PSTK: variants seen among roughly 807,000 people sequenced by gnomAD.
PSTK encodes L-seryl-tRNA(Sec) kinase.
Under a neutral mutation model 38.6 loss-of-function variants are expected in PSTK, and 26 were observed. That is an observed-to-expected ratio of 0.67 (90% CI 0.49 to 0.94). The LOEUF is 0.94. PSTK is among the 40% of genes least tolerant of loss of function. The pLI is 0.00. For missense variants in PSTK, 445 were observed against 436.3 expected (o/e 1.02, Z -0.18); for synonymous variants, 181 against 161.7 (o/e 1.12, Z -0.91).
intron 1 of PSTK, among the ~76,000 whole-genome samples, chr10:122,981,036 A>G (rs746601787): frequency 2.0e-5 from 3 of 152,238 alleles, no homozygotes; most frequent in Non-Finnish European, 4.4e-5. Context: ...AAGCCCCTAT[A>G]GTCAAATGCA....
At chr10:122,986,520 C>A in intron 4 of PSTK, 145 bp downstream of exon 4, 1 of 669,750 alleles carries the variant, frequency 1.5e-6, no homozygotes, top group Non-Finnish European at 2.7e-6. Flanking sequence ...GCTGACAGCT[C>A]ATGCCGGCTG....
chr10:122,982,355 C>CTATTAGGTGCCA (rs11273778), intron 1 of PSTK: 168,927 of 169,254 alleles, frequency 1, 84,303 homozygotes, highest in East Asian at 1. Context: ...TCTGGAGCAC[C>CTATTAGGTGCCA]GACCCTCTGC....
At chr10:122,981,848 C>G (rs1281176499) in intron 1 of PSTK, 1 of 152,162 alleles carries the variant, frequency 6.6e-6, no homozygotes, top group Non-Finnish European at 1.5e-5. Context: ...CCACGCTTTT[C>G]CTATGGACAA....
At chr10:122,986,815 C>T in intron 4 of PSTK, 54 bp from the exon 5 acceptor site, 1 of 1,155,466 alleles carries the variant, frequency 8.7e-7, no homozygotes, top group Non-Finnish European at 1.3e-6. Context: ...ATTCTTTAGC[C>T]ATTTATTTTA....
At position 122,986,859 on chromosome 10, in the gene PSTK, A is replaced by G. The variant is rs573826253; in HGVS notation, c.784-10A>G. 30 of 1,516,128 alleles carry G rather than the reference A, an allele frequency of 2.0e-5. No individual in the cohort carries two copies. In the African/African-American group the frequency reaches 2.9e-4, roughly 15 times the overall value. The allele number at this position is 1,516,128 out of a possible 1,614,324, so 93.9% of individuals were successfully genotyped here. ...TGTGACTTCTAATAACAATGTCTGTATTAACATAGGACACAGACAGAATTA... is the reference window on the plus strand; with the variant it reads ...TGTGACTTCTAATAACAATGTCTGTGTTAACATAGGACACAGACAGAATTA... On this transcript the variant is annotated splice_polypyrimidine_tract_variant and intron_variant, in intron 4 of 5. Transcript: ENST00000406217.
In PSTK at chr10:122,980,852, C is replaced by G; in HGVS notation, c.216+157C>G. 1 of 980,840 alleles carries G rather than the reference C, an allele frequency of 1.0e-6. No individual in the cohort carries two copies. The highest frequency in any genetic ancestry group is 1.2e-6 in the Non-Finnish European group (1 of 825,780). The allele number at this position is 980,840 out of a possible 1,614,324, so 60.8% of individuals were successfully genotyped here. Reference sequence around the variant, plus strand: ...TTCGAGAAAAGTGGAGCTGGGTTAACATAGTTACTGCAGAGGGTGAATGCG... The same window carrying G: ...TTCGAGAAAAGTGGAGCTGGGTTAAGATAGTTACTGCAGAGGGTGAATGCG... On this transcript the variant is annotated intron_variant, in intron 1 of 5. Transcript: ENST00000406217. The surrounding 1 kb of genome is among the most constrained non-coding windows in gnomAD (Gnocchi z 4.3).
rs914840481 is a variant in PSTK, at chr10:122,982,859, A to G, written c.343A>G (p.Ile115Val). Residue 115 changes from isoleucine to valine, a missense_variant, in exon 2 of 6, where the codon ATA becomes GTA. Coordinates refer to ENST00000406217, the MANE Select transcript of PSTK (RefSeq NM_001363531.2). ...GACTGAAGCCATGTGGGAAGATTTT[A>G]TAACCTGCTTAAAGGATCAAGATCT... ...NRTEAMWEDF[I>V]TCLKDQDLIF... 3.7e-6 allele frequency: 6 copies of G among 1,614,134 alleles called. No homozygotes were observed. In the African/African-American group the frequency reaches 8.0e-5, roughly 22 times the overall value.
intron 5 of PSTK, chr10:122,987,433 A>C (rs1486477803): frequency 7.4e-6 from 12 of 1,614,218 alleles, no homozygotes; most frequent in Non-Finnish European, 1.0e-5. Context: ...GAACACATCA[A>C]GTGCAGAAGC....
At chr10:122,988,201 G>A (rs1175052284) in intron 5 of PSTK, among the ~76,000 whole-genome samples, 1 of 152,050 alleles carries the variant, frequency 6.6e-6, no homozygotes, top group South Asian at 2.1e-4. Context: ...CAGAGGACCG[G>A]AACAGAAATG....
chr10:122,983,039 T>C lies in PSTK; in HGVS notation c.508+15T>C. On this transcript the variant is annotated intron_variant, in intron 2 of 5. Coordinates refer to ENST00000406217, the MANE Select transcript of PSTK (RefSeq NM_001363531.2). The stretch of plus-strand genomic sequence containing the variant: ...GGCTCGGAAATGTAATTAAAACTTT[T>C]TTTTTCTTACACATGGAGATACTTA... 1 of 1,593,140 alleles carries C rather than the reference T, an allele frequency of 6.3e-7. No individual in the cohort carries two copies. Among genetic ancestry groups the C allele is most frequent in the Non-Finnish European group, 8.5e-7 (1 of 1,170,070 alleles).
At chr10:122,989,838 T>C (rs1226207279) in intron 5 of PSTK, among the ~76,000 whole-genome samples, 1 of 152,230 alleles carries the variant, frequency 6.6e-6, no homozygotes, top group Non-Finnish European at 1.5e-5. Context: ...CAAAACTAAA[T>C]TGTCATCTAT....
intron 3 of PSTK, chr10:122,983,749 A>G (rs1848997971): frequency 2.6e-6 from 1 of 379,702 alleles, no homozygotes. Context: ...TTCTCTTGCT[A>G]AAATAGATAG....
At chr10:122,981,176 A>G (rs572729033) in intron 1 of PSTK, among the ~76,000 whole-genome samples, 1 of 152,348 alleles carries the variant, frequency 6.6e-6, no homozygotes, top group South Asian at 2.1e-4. Flanking sequence ...AATAAAAACT[A>G]TAAGTAACAA....
chr10:122,985,591 C>T (rs1222953713), intron 3 of PSTK: 1 of 152,162 alleles, frequency 6.6e-6, no homozygotes, highest in African/African-American at 2.4e-5. Flanking sequence ...AGAAACTTTG[C>T]TCATCCATAT....
chr10:122,980,912 A>G lies in PSTK; in HGVS notation c.216+217A>G, dbSNP rs1167586667. 3 of 619,866 alleles carry G rather than the reference A, an allele frequency of 4.8e-6. No individual in the cohort carries two copies. Among genetic ancestry groups the G allele is most frequent in the Non-Finnish European group, 6.0e-6 (3 of 496,224 alleles). The allele number at this position is 619,866 out of a possible 1,614,324, so 38.4% of individuals were successfully genotyped here. ...GAAAGTGGTTACAAAGCCAACTGTT[A>G]GAACGATGCATTTTAGATGCTTATC... On this transcript the variant is annotated intron_variant, in intron 1 of 5. Coordinates refer to ENST00000406217, the MANE Select transcript of PSTK (RefSeq NM_001363531.2). The surrounding 1 kb of genome is among the most constrained non-coding windows in gnomAD (Gnocchi z 4.3).
chr10:122,986,211 A>G, intron 3 of PSTK, 89 bp from the exon 4 acceptor site: 1 of 697,030 alleles, frequency 1.4e-6, no homozygotes, highest in Non-Finnish European at 2.3e-6. Context: ...ACAGAGCAAG[A>G]CTCCAGGACT....
Position 122,980,544 on chromosome 10 carries a change from TCCTCTGTGG to T in PSTK, c.70_78del (p.Cys24_Leu26del). ...GGGCCGCGGAAACGAGGCCTCTGCG[TCCTCTGTGG>T]CCTCCCCGCGGCAGGAAAATCGACT... is the stretch of plus-strand genomic sequence containing the variant. On this transcript the variant is annotated inframe_deletion, in exon 1 of 6. Transcript: ENST00000406217. The surrounding 1 kb of genome is among the most constrained non-coding windows in gnomAD (Gnocchi z 4.3). 6.2e-7 allele frequency: 1 copy of T among 1,611,126 alleles called. No homozygotes were observed. The highest frequency in any genetic ancestry group is 8.5e-7 in the Non-Finnish European group (1 of 1,179,512).
chr10:122,990,277 G>T lies in PSTK; in HGVS notation c.981G>T (p.Leu327=). 6.5e-7 allele frequency: 1 copy of T among 1,539,558 alleles called. No individual in the cohort carries two copies. Among genetic ancestry groups the T allele is most frequent in the East Asian group, 2.5e-5 (1 of 40,304 alleles). ...EDLKQGNKKY[L]CFQQTIDIPD... is the part of the protein sequence containing the mutation. Reference sequence around the variant, plus strand: ...TAAAACAAGGAAACAAAAAATATCTGTGCTTTCAGCAAACCATTGACATAC... The same window carrying T: ...TAAAACAAGGAAACAAAAAATATCTTTGCTTTCAGCAAACCATTGACATAC... Residue 327 remains leucine (L), a synonymous_variant, in exon 6 of 6, where the codon CTG becomes CTT. Coordinates refer to ENST00000406217, the MANE Select transcript of PSTK (RefSeq NM_001363531.2).
At position 122,986,969 on chromosome 10, in the gene PSTK, T is replaced by C; in HGVS notation, c.877+7T>C. The C allele has an allele frequency of 1.3e-6, 2 of 1,571,972 alleles. No homozygotes were observed. Among genetic ancestry groups the C allele is most frequent in the Non-Finnish European group, 1.8e-6 (2 of 1,141,860 alleles). On this transcript the variant is annotated splice_region_variant and intron_variant, in intron 5 of 5. Coordinates refer to ENST00000406217, the MANE Select transcript of PSTK (RefSeq NM_001363531.2). Reference sequence around the variant, plus strand: ...ACAATGAAGGAAGCAAAAGGTATGATGTGTCAGTTATGTGTTGAGTTGGTA... The same window carrying C: ...ACAATGAAGGAAGCAAAAGGTATGACGTGTCAGTTATGTGTTGAGTTGGTA...
Sources: allele counts gnomAD v4.1 joint callset (sites outside exome capture counted in the v4.1 genomes callset), GRCh38; gene constraint gnomAD v4.1.1; non-coding constraint Gnocchi (gnomAD v3.1); transcripts MANE v1.5; gene names NCBI Gene and HGNC (gene_info 2026-07-23, HGNC 2026-07-21).